VAV1: variants seen among roughly 807,000 people sequenced by gnomAD.
VAV1 encodes the protein vav guanine nucleotide exchange factor 1, also known as proto-oncogene vav.
A neutral mutation model predicts 128.1 loss-of-function variants in VAV1; 33 were observed. That is an observed-to-expected ratio of 0.26 (90% confidence interval 0.20 to 0.34). The LOEUF is 0.34. Among genes scored for constraint, VAV1 ranks in the 10% least tolerant of loss-of-function variants. The pLI is 1.00. For missense variants in VAV1, 715 were observed against 1,093.7 expected, an observed-to-expected ratio of 0.65 and a Z score of 4.88; for synonymous variants, 394 against 409.8, an observed-to-expected ratio of 0.96 and a Z score of 0.47.
chr19:6,822,530 C>T lies in VAV1; in HGVS notation c.654+16C>T. On this transcript the variant is annotated intron_variant, in intron 6 of 26. Transcript: ENST00000602142. This position sits in a 1 kb window ranked among gnomAD's most constrained non-coding sequence, Gnocchi z 5.9. ...CATCCAGCAGGTGGGCGCCTCCCAC[C>T]CAGCGCCTGCCGGGCGCATGCGCGG... 6.5e-7 allele frequency: 1 copy of T among 1,543,068 alleles called. No individual in the cohort carries two copies. The highest frequency in any genetic ancestry group is 8.7e-7 in the Non-Finnish European group (1 of 1,146,210).
chr19:6,844,719 G>T (rs1207373628), intron 22 of VAV1, among the ~76,000 whole-genome samples: 2 of 152,042 alleles, frequency 1.3e-5, no homozygotes, highest in Admixed American at 1.3e-4. Flanking sequence ...CGCTCCTTCC[G>T]CCCTTCTGCG....
intron 16 of VAV1, 70 bp from the exon 17 acceptor site, chr19:6,833,458 T>A (rs758932955): frequency 1.3e-6 from 2 of 1,486,606 alleles, no homozygotes; most frequent in East Asian, 2.3e-5. Flanking sequence ...TCCCTTTATG[T>A]TTTTAGCAGA....
chr19:6,787,884 G>A (rs916897345), intron 1 of VAV1, among the ~76,000 whole-genome samples: 1 of 151,970 alleles, frequency 6.6e-6, no homozygotes, highest in Non-Finnish European at 1.5e-5. Flanking sequence ...AGACCATCCT[G>A]GCTAACACGG....
At chr19:6,852,814 C>A (rs1972701047) in intron 24 of VAV1, 151 bp from the exon 25 acceptor site, 1 of 556,626 alleles carries the variant, frequency 1.8e-6, no homozygotes. Flanking sequence ...TGATGAACTC[C>A]CCATCATGGG....
intron 1 of VAV1, among the ~76,000 whole-genome samples, chr19:6,788,172 G>T (rs116127848): frequency 2.6e-5 from 4 of 151,932 alleles, no homozygotes; most frequent in African/African-American, 9.7e-5. Context: ...GGCCTCAAAT[G>T]ATCCTTCTGC....
At chr19:6,842,420 T>C (rs1047768655) in intron 21 of VAV1, among the ~76,000 whole-genome samples, 2 of 152,142 alleles carry the variant, frequency 1.3e-5, no homozygotes, top group Admixed American at 1.3e-4. Flanking sequence ...AGTGCAAAAG[T>C]AGCCACAGAT....
intron 1 of VAV1, among the ~76,000 whole-genome samples, chr19:6,791,218 A>G (rs1318382623): frequency 1.3e-5 from 2 of 152,070 alleles, no homozygotes; most frequent in Non-Finnish European, 2.9e-5. Flanking sequence ...TTATCTCCTC[A>G]TCTTGAGGTC....
intron 15 of VAV1, among the ~76,000 whole-genome samples, chr19:6,832,665 CTCCTCT>C (rs1009016139): frequency 2.0e-5 from 3 of 148,276 alleles, no homozygotes; most frequent in East Asian, 2.0e-4. Flanking sequence ...CCTCCTCCTC[CTCCTCT>C]TCCTCCTCTT....
rs746273765 is a variant in VAV1 at position 6,848,120 on chromosome 19, T to C, written c.2129+6T>C. Reference sequence around the variant, plus strand: ...GAATTTGCCATCAGCATTAAGTAACTCCTTTCTCCCTGACTCATACCCTTT... The same window carrying C: ...GAATTTGCCATCAGCATTAAGTAACCCCTTTCTCCCTGACTCATACCCTTT... On this transcript the variant is annotated splice_donor_region_variant and intron_variant, in intron 23 of 26. Coordinates refer to ENST00000602142, the MANE Select transcript of VAV1 (RefSeq NM_005428.4). The C allele has an allele frequency of 1.3e-6, 2 of 1,545,174 alleles. No individual in the cohort carries two copies. The highest frequency in any genetic ancestry group is 1.7e-6 in the Non-Finnish European group (2 of 1,153,596).
intron 21 of VAV1, among the ~76,000 whole-genome samples, chr19:6,838,440 TATCA>T (rs1365218877): frequency 7.3e-6 from 1 of 137,010 alleles, no homozygotes; most frequent in East Asian, 2.1e-4. Context: ...TCCATCCATC[TATCA>T]TCTATCTACT....
rs187329649 is a variant in VAV1, at chr19:6,854,312, G to A, written c.2484+214G>A. Among the ~76,000 whole-genome samples the A allele has an allele frequency of 1.2e-4, 19 of 152,342 alleles. No individual in the cohort carries two copies. In the East Asian group the frequency reaches 3.5e-3, roughly 28 times the overall value. The stretch of plus-strand genomic sequence containing the variant: ...GCTGTGTGCAGACATTGTGCTGGGT[G>A]TCGAGGAGACAGAAACAAGCACGGT... On this transcript the variant is annotated intron_variant, in intron 26 of 26. Transcript: ENST00000602142.
chr19:6,773,421 G>A (rs1007642836), intron 1 of VAV1, among the ~76,000 whole-genome samples: 1 of 152,170 alleles, frequency 6.6e-6, no homozygotes, highest in Non-Finnish European at 1.5e-5. Context: ...CTGGATGTGG[G>A]GGAGGAGCCT....
chr19:6,782,617 G>A (rs117999728), intron 1 of VAV1, among the ~76,000 whole-genome samples: 2,071 of 152,220 alleles, frequency 0.014, 24 homozygotes, highest in Middle Eastern at 0.037. Context: ...AATGGCTCAC[G>A]CCTATAATCC....
chr19:6,806,182 G>C (rs756371953), intron 1 of VAV1, among the ~76,000 whole-genome samples: 1 of 152,146 alleles, frequency 6.6e-6, no homozygotes, highest in East Asian at 1.9e-4. Flanking sequence ...CGCCACCCGG[G>C]TTCAAGCAAT....
At chr19:6,776,915 G>A (rs538454759) in intron 1 of VAV1, among the ~76,000 whole-genome samples, 2 of 152,014 alleles carry the variant, frequency 1.3e-5, no homozygotes, top group East Asian at 3.9e-4. Context: ...CCGCCACCAC[G>A]CCCGGCTAAT....
In VAV1 at chr19:6,772,720, C is replaced by T. The variant is rs575619520; in HGVS notation, c.-88C>T. ...AAGAGGAAGTGGTAGCACTAGCTGT[C>T]GCTCCACAGGCGAGCAGGGCAGGCG... On this transcript the variant is annotated 5_prime_UTR_variant, in exon 1 of 27. Transcript: ENST00000602142. This position sits in a 1 kb window ranked among gnomAD's most constrained non-coding sequence, Gnocchi z 4.8. The T allele has an allele frequency of 3.2e-5, 45 of 1,402,612 alleles. No individual in the cohort carries two copies. In the South Asian group the frequency reaches 3.4e-4, roughly 11 times the overall value. 86.9% of individuals were successfully genotyped at this position (1,402,612 alleles called of 1,614,324 possible).
intron 1 of VAV1, among the ~76,000 whole-genome samples, chr19:6,790,145 T>C (rs540760600): frequency 6.6e-6 from 1 of 152,224 alleles, no homozygotes. Context: ...GCAAGTGCAC[T>C]CCAGCCTGGG....
chr19:6,780,550 C>T (rs1970746424), intron 1 of VAV1, among the ~76,000 whole-genome samples: 1 of 148,420 alleles, frequency 6.7e-6, no homozygotes, highest in Admixed American at 6.7e-5. Context: ...TAAAAGATTG[C>T]CTTCTCCTTT....
At chr19:6,808,910 G>C (rs552397765) in intron 1 of VAV1, among the ~76,000 whole-genome samples, 1 of 152,230 alleles carries the variant, frequency 6.6e-6, no homozygotes, top group East Asian at 1.9e-4. Context: ...CTAGGTGCTT[G>C]TCTCTGCTCC....
Sources: gnomAD v4.1 joint callset for allele counts (sites outside exome capture counted in the v4.1 genomes callset) on GRCh38, gnomAD v4.1.1 for gene constraint, Gnocchi (gnomAD v3.1) non-coding constraint, MANE v1.5 for transcripts, NCBI Gene and HGNC (gene_info 2026-07-23, HGNC 2026-07-21) for gene names.